GRM5: variants seen among roughly 807,000 people sequenced by gnomAD.
GRM5 encodes the protein metabotropic glutamate receptor 5.
A neutral mutation model predicts 83.1 loss-of-function variants in GRM5; 19 were observed. That is an observed-to-expected ratio of 0.23 (90% CI 0.16 to 0.34). GRM5 has a LOEUF of 0.34. Ranked by LOEUF, GRM5 falls within the 10% of genes least tolerant of loss-of-function variation. The probability of loss-of-function intolerance (pLI) is 1.00; values close to 1 mark genes in which losing one functional copy is unlikely to be tolerated. For missense variants in GRM5, 1,160 were observed against 1,588.3 expected, an observed-to-expected ratio of 0.73 and a Z score of 4.58; for synonymous variants, 675 against 633.6, an observed-to-expected ratio of 1.07 and a Z score of -0.98.
chr11:88,749,699 C>T (rs1942223594), intron 3 of GRM5, among the ~76,000 whole-genome samples: 1 of 152,090 alleles, frequency 6.6e-6, no homozygotes, highest in Non-Finnish European at 1.5e-5. Context: ...GAGAGAAAGG[C>T]CAGGTCACTT....
intron 3 of GRM5, among the ~76,000 whole-genome samples, chr11:88,807,917 C>A (rs543186067): frequency 2.6e-5 from 4 of 151,984 alleles, no homozygotes; most frequent in Non-Finnish European, 5.9e-5. Context: ...TAGAACATTT[C>A]TTTCTCAGTA....
intron 2 of GRM5, among the ~76,000 whole-genome samples, chr11:88,882,647 A>G (rs1357870149): frequency 6.6e-6 from 1 of 152,058 alleles, no homozygotes; most frequent in Admixed American, 6.6e-5. Flanking sequence ...TTTATTTATT[A>G]TATTAATAAA....
At chr11:88,779,343 T>G (rs1037990541) in intron 3 of GRM5, among the ~76,000 whole-genome samples, 7 of 152,176 alleles carry the variant, frequency 4.6e-5, no homozygotes, top group Non-Finnish European at 1.0e-4. Flanking sequence ...CATGGTAATA[T>G]TTGCTCTAAA....
chr11:88,628,275 A>T (rs1233642914), intron 4 of GRM5, among the ~76,000 whole-genome samples: 1 of 152,234 alleles, frequency 6.6e-6, no homozygotes, highest in African/African-American at 2.4e-5. Flanking sequence ...AAATTATAAA[A>T]TACCTGATGG....
intron 2 of GRM5, among the ~76,000 whole-genome samples, chr11:89,013,899 G>A (rs1053045622): frequency 1.3e-5 from 2 of 152,104 alleles, no homozygotes; most frequent in Admixed American, 1.3e-4. Context: ...CTAGTGGTTA[G>A]AGATTAGGTA....
At chr11:89,041,136 A>C (rs1292685928) in intron 2 of GRM5, among the ~76,000 whole-genome samples, 1 of 152,228 alleles carries the variant, frequency 6.6e-6, no homozygotes, top group Non-Finnish European at 1.5e-5. Flanking sequence ...GCATGTGTGC[A>C]GCTGCCATCC....
chr11:88,643,626 A>G (rs1375508682), intron 4 of GRM5, among the ~76,000 whole-genome samples: 2 of 152,174 alleles, frequency 1.3e-5, no homozygotes, highest in Admixed American at 1.3e-4. Context: ...GAAAATGTTA[A>G]TGTGGTGCAA....
At chr11:88,753,432 TAA>T (rs964682977) in intron 3 of GRM5, among the ~76,000 whole-genome samples, 17 of 152,234 alleles carry the variant, frequency 1.1e-4, no homozygotes, top group African/African-American at 4.1e-4. Context: ...TGGTGATTAT[TAA>T]AAAGTCAAAA....
intron 2 of GRM5, among the ~76,000 whole-genome samples, chr11:88,987,241 G>C (rs1591022807): frequency 6.6e-6 from 1 of 152,216 alleles, no homozygotes; most frequent in East Asian, 1.9e-4. Flanking sequence ...TCAAAGAAAG[G>C]GGTGACCCAC....
At chr11:88,572,345 A>G (rs1943021614) in intron 7 of GRM5, among the ~76,000 whole-genome samples, 1 of 152,232 alleles carries the variant, frequency 6.6e-6, no homozygotes, top group African/African-American at 2.4e-5. Context: ...ATGTAACATC[A>G]GACAGAAGGA....
chr11:88,568,514 G>A (rs1163058528), intron 7 of GRM5, among the ~76,000 whole-genome samples: 1 of 152,130 alleles, frequency 6.6e-6, no homozygotes, highest in East Asian at 1.9e-4. Flanking sequence ...GATGAGGCTG[G>A]GAGGTAGGGA....
chr11:88,900,868 G>T (rs585423), intron 2 of GRM5, among the ~76,000 whole-genome samples: 5 of 152,012 alleles, frequency 3.3e-5, no homozygotes, highest in East Asian at 1.9e-4. Flanking sequence ...TGGTTTTCTG[G>T]GAAAATGATG....
intron 4 of GRM5, among the ~76,000 whole-genome samples, chr11:88,616,384 G>A (rs1938483576): frequency 9.1e-6 from 1 of 109,880 alleles, no homozygotes; most frequent in African/African-American, 3.2e-5. Context: ...ATAGGGCTTT[G>A]GAGTGTTTTT....
At chr11:88,777,253 C>T (rs1942875950) in intron 3 of GRM5, among the ~76,000 whole-genome samples, 1 of 152,160 alleles carries the variant, frequency 6.6e-6, no homozygotes, top group African/African-American at 2.4e-5. Flanking sequence ...ATGCATGCAT[C>T]ACGTAGTTCT....
intron 2 of GRM5, among the ~76,000 whole-genome samples, chr11:88,877,007 T>C (rs911722667): frequency 3.3e-5 from 5 of 152,050 alleles, no homozygotes; most frequent in African/African-American, 1.2e-4. Flanking sequence ...AATTGGAATC[T>C]TAACAAGTTG....
chr11:88,684,876 C>T (rs1940580357), intron 3 of GRM5, among the ~76,000 whole-genome samples: 1 of 152,204 alleles, frequency 6.6e-6, no homozygotes, highest in African/African-American at 2.4e-5. Context: ...GAGGCCTTGC[C>T]AGCCACATGG....
At chr11:89,044,793 G>T (rs979295152) in intron 2 of GRM5, among the ~76,000 whole-genome samples, 1 of 151,042 alleles carries the variant, frequency 6.6e-6, no homozygotes, top group Non-Finnish European at 1.5e-5. Context: ...GATGATAACT[G>T]ACACTATCAT....
chr11:88,992,196 A>G (rs1940001382), intron 2 of GRM5, among the ~76,000 whole-genome samples: 1 of 152,204 alleles, frequency 6.6e-6, no homozygotes, highest in Admixed American at 6.5e-5. Flanking sequence ...TCCATCAAAA[A>G]GTGGGTGAAG....
At chr11:88,871,521 G>C (rs538680893) in intron 2 of GRM5, among the ~76,000 whole-genome samples, 2 of 151,580 alleles carry the variant, frequency 1.3e-5, no homozygotes. Context: ...ACCTGTAGCA[G>C]CACTGTCTTA....
Sources: gnomAD v4.1 joint callset for allele counts (sites outside exome capture counted in the v4.1 genomes callset) on GRCh38, gnomAD v4.1.1 for gene constraint, MANE v1.5 for transcripts, NCBI Gene and HGNC (gene_info 2026-07-23, HGNC 2026-07-21) for gene names.